Variants in IL1RAPL2 observed in about 807,000 individuals in gnomAD.
IL1RAPL2 encodes the protein interleukin 1 receptor accessory protein like 2.
Under a neutral mutation model 44.1 loss-of-function variants are expected in IL1RAPL2, and 3 were observed. That is an observed-to-expected ratio of 0.07 (90% CI 0.03 to 0.18). The LOEUF (loss-of-function observed/expected upper bound fraction) is 0.18, where lower values mean the gene tolerates loss of function less well. Among genes scored for constraint, IL1RAPL2 ranks in the 10% least tolerant of loss-of-function variants. The pLI, the probability that IL1RAPL2 is intolerant of heterozygous loss-of-function variation, is 1.00. For missense variants in IL1RAPL2, 391 were observed against 496.4 expected (o/e 0.79, Z 2.02); for synonymous variants, 181 against 178.8 (o/e 1.01, Z -0.10).
intron 1 of IL1RAPL2, among the ~76,000 whole-genome samples, chrX:104,595,418 T>C (rs1306340352): frequency 9.0e-6 from 1 of 110,828 alleles, no homozygotes; most frequent in Non-Finnish European, 1.9e-5. Context: ...ATGATGGTGG[T>C]AGTGGTGGTG....
intron 6 of IL1RAPL2, among the ~76,000 whole-genome samples, chrX:105,502,824 C>CA (rs1326788140): frequency 4.1e-4 from 45 of 109,484 alleles, no homozygotes; most frequent in African/African-American, 1.5e-3. Context: ...AGGTCCTATC[C>CA]ACCTACACAA....
chrX:104,987,910 G>A (rs1320321074), intron 2 of IL1RAPL2, among the ~76,000 whole-genome samples: 2 of 111,576 alleles, frequency 1.8e-5, no homozygotes, highest in African/African-American at 6.5e-5. Flanking sequence ...AAATTTTGTA[G>A]ACTGTTAGTG....
chrX:105,354,911 A>G (rs893212220), intron 5 of IL1RAPL2, among the ~76,000 whole-genome samples: 37 of 111,598 alleles, frequency 3.3e-4, no homozygotes, highest in Non-Finnish European at 6.0e-4. Context: ...TCTCCATTTC[A>G]GTAAATGACA....
intron 3 of IL1RAPL2, among the ~76,000 whole-genome samples, chrX:105,233,054 C>T (rs1481429106): frequency 8.9e-6 from 1 of 111,828 alleles, no homozygotes; most frequent in East Asian, 2.8e-4. Flanking sequence ...GAGGCCGAGG[C>T]GGGCGGATCA....
chrX:105,481,196 A>G (rs922506294), intron 5 of IL1RAPL2, among the ~76,000 whole-genome samples: 1 of 111,838 alleles, frequency 8.9e-6, no homozygotes, highest in Non-Finnish European at 1.9e-5. Flanking sequence ...ACTGCCTACA[A>G]CTTATATCCT....
At chrX:104,595,680 T>G (rs1928750546) in intron 1 of IL1RAPL2, among the ~76,000 whole-genome samples, 1 of 111,942 alleles carries the variant, frequency 8.9e-6, no homozygotes, top group Non-Finnish European at 1.9e-5. Context: ...ATGAGAATAT[T>G]TAAGACACAA....
At chrX:105,406,750 C>T (rs1336989541) in intron 5 of IL1RAPL2, 15 of 1,198,166 alleles carry the variant, frequency 1.3e-5, no homozygotes, top group Non-Finnish European at 1.7e-5. Context: ...ATCCCTGAAA[C>T]TGTGTAATTT....
chrX:104,732,790 TC>T (rs1196020150), intron 2 of IL1RAPL2, among the ~76,000 whole-genome samples: 3 of 111,669 alleles, frequency 2.7e-5, no homozygotes, highest in African/African-American at 9.7e-5. Flanking sequence ...TCTAATATAA[TC>T]TTTTTACCCA....
chrX:104,910,924 A>G (rs936286210), intron 2 of IL1RAPL2, among the ~76,000 whole-genome samples: 4 of 112,230 alleles, frequency 3.6e-5, no homozygotes, highest in East Asian at 2.8e-4. Context: ...AAAAAGACAC[A>G]TGCAAGTAAT....
At chrX:104,616,674 C>T (rs1929285955) in intron 1 of IL1RAPL2, among the ~76,000 whole-genome samples, 1 of 111,651 alleles carries the variant, frequency 9.0e-6, no homozygotes, top group African/African-American at 3.3e-5. Context: ...CTTGTGGCCC[C>T]CACCCAGGTA....
chrX:104,800,271 AT>A (rs1932876424), intron 2 of IL1RAPL2, among the ~76,000 whole-genome samples: 1 of 111,081 alleles, frequency 9.0e-6, no homozygotes, highest in Non-Finnish European at 1.9e-5. Flanking sequence ...TCTGAGCTCT[AT>A]TTCTTGTACA....
intron 8 of IL1RAPL2, among the ~76,000 whole-genome samples, chrX:105,747,413 T>C (rs2038552440): frequency 9.6e-6 from 1 of 103,793 alleles, no homozygotes; most frequent in Non-Finnish European, 2.0e-5. Context: ...TTTGTGTTTC[T>C]TACATTTCCA....
intron 6 of IL1RAPL2, among the ~76,000 whole-genome samples, chrX:105,652,685 C>T (rs758683363): frequency 3.6e-5 from 4 of 111,409 alleles, no homozygotes; most frequent in South Asian, 7.6e-4. Flanking sequence ...TCCAGTAATG[C>T]CCCCTTCTCT....
intron 5 of IL1RAPL2, among the ~76,000 whole-genome samples, chrX:105,293,055 T>C (rs1277842300): frequency 3.1e-5 from 3 of 98,056 alleles, no homozygotes; most frequent in African/African-American, 1.2e-4. Flanking sequence ...GAGGTTGCAG[T>C]TGCAGTAAGC....
chrX:105,146,378 T>TA (rs1208735407), intron 2 of IL1RAPL2, among the ~76,000 whole-genome samples: 2 of 111,108 alleles, frequency 1.8e-5, no homozygotes, highest in Non-Finnish European at 3.8e-5. Context: ...AAGCATCTTA[T>TA]AGCCCTGGTT....
intron 7 of IL1RAPL2, among the ~76,000 whole-genome samples, chrX:105,729,521 T>A (rs954941778): frequency 3.6e-5 from 4 of 111,248 alleles, no homozygotes; most frequent in African/African-American, 1.3e-4. Context: ...TGTTCAGAAC[T>A]TTTGCCCATT....
intron 2 of IL1RAPL2, among the ~76,000 whole-genome samples, chrX:105,116,947 A>G (rs1019045955): frequency 2.7e-5 from 3 of 111,722 alleles, no homozygotes; most frequent in African/African-American, 9.8e-5. Context: ...TTTCGGAAAG[A>G]CTCTCTTAAA....
intron 2 of IL1RAPL2, among the ~76,000 whole-genome samples, chrX:104,693,175 T>A (rs1931122436): frequency 9.0e-6 from 1 of 111,711 alleles, no homozygotes; most frequent in Non-Finnish European, 1.9e-5. Flanking sequence ...CATACAGTGT[T>A]TTCATCTCTT....
intron 6 of IL1RAPL2, among the ~76,000 whole-genome samples, chrX:105,677,250 T>G: frequency 8.9e-6 from 1 of 112,218 alleles, no homozygotes; most frequent in Non-Finnish European, 1.9e-5. Context: ...AAAGAAAATG[T>G]CACTAGTTCT....
Sources: allele counts gnomAD v4.1 joint callset (sites outside exome capture counted in the v4.1 genomes callset), GRCh38; gene constraint gnomAD v4.1.1; transcripts MANE v1.5; gene names NCBI Gene and HGNC (gene_info 2026-07-23, HGNC 2026-07-21).